RAB38: variants seen among roughly 807,000 people sequenced by gnomAD.
RAB38 encodes ras-related protein Rab-38.
RAB38 carries 15 observed loss-of-function variants against 18.4 expected under a neutral mutation model. The ratio of observed to expected loss-of-function variants is 0.82; its 90% CI spans 0.55 to 1.26. The LOEUF (loss-of-function observed/expected upper bound fraction) is 1.26. Ranked by LOEUF, RAB38 falls within the 50% of genes most tolerant of loss-of-function variation. The pLI, the probability that RAB38 is intolerant of heterozygous loss-of-function variation, is 0.00. For missense variants in RAB38, 294 were observed against 267.4 expected, an observed-to-expected ratio of 1.10 and a Z score of -0.69; for synonymous variants, 101 against 104.4, an observed-to-expected ratio of 0.97 and a Z score of 0.20.
chr11:88,011,137 C>T, the RAB38 span, among the ~76,000 whole-genome samples: 36 of 152,282 alleles, frequency 2.4e-4, no homozygotes, highest in East Asian at 2.3e-3. Context: ...TCTGTTTCTC[C>T]GCATATATTT....
At chr11:87,878,222 T>TATATACACACACAC in the RAB38 span, among the ~76,000 whole-genome samples, 269 of 116,206 alleles carry the variant, frequency 2.3e-3, 35 homozygotes, top group African/African-American at 0.012. Context: ...TATATATATA[T>TATATACACACACAC]ACACACATAT....
chr11:87,892,609 TC>T, the RAB38 span, among the ~76,000 whole-genome samples: 3 of 151,784 alleles, frequency 2.0e-5, no homozygotes, highest in African/African-American at 7.2e-5. Context: ...CTACTTCAGC[TC>T]CTACTACTGT....
chr11:87,820,039 T>G, the RAB38 span, among the ~76,000 whole-genome samples: 1 of 152,110 alleles, frequency 6.6e-6, no homozygotes, highest in East Asian at 1.9e-4. Flanking sequence ...GGATAAGATA[T>G]TAAAAATAAG....
At chr11:88,137,280 T>A (rs1226166100) in intron 2 of RAB38, among the ~76,000 whole-genome samples, 1 of 152,014 alleles carries the variant, frequency 6.6e-6, no homozygotes, top group African/African-American at 2.4e-5. Flanking sequence ...ACCATCAACA[T>A]AAAATAGAAG....
intron 2 of RAB38, among the ~76,000 whole-genome samples, chr11:88,116,268 G>A (rs142872717): frequency 8.5e-5 from 13 of 152,250 alleles, no homozygotes; most frequent in Non-Finnish European, 1.6e-4. Flanking sequence ...CATTCAGGAA[G>A]GTAAAAAGGG....
chr11:87,970,481 T>C, the RAB38 span, among the ~76,000 whole-genome samples: 1 of 152,078 alleles, frequency 6.6e-6, no homozygotes, highest in Admixed American at 6.6e-5. Context: ...TGTTCTCTCT[T>C]ACGTTTTGTG....
chr11:88,102,695 T>C, the RAB38 span, among the ~76,000 whole-genome samples: 4 of 152,058 alleles, frequency 2.6e-5, no homozygotes, highest in African/African-American at 9.7e-5. Flanking sequence ...TATTAAGTAA[T>C]AATGCTAGGA....
chr11:88,008,242 A>G, the RAB38 span, among the ~76,000 whole-genome samples: 1 of 152,310 alleles, frequency 6.6e-6, no homozygotes, highest in Admixed American at 6.5e-5. Flanking sequence ...AAAATATTAT[A>G]CCCTTAACCA....
the RAB38 span, among the ~76,000 whole-genome samples, chr11:87,848,120 C>A: frequency 6.6e-6 from 1 of 152,146 alleles, no homozygotes; most frequent in African/African-American, 2.4e-5. Context: ...TCTAACTTTG[C>A]TCCATTACCT....
the RAB38 span, among the ~76,000 whole-genome samples, chr11:87,905,932 C>A: frequency 5.3e-5 from 8 of 151,908 alleles, no homozygotes; most frequent in African/African-American, 1.9e-4. Flanking sequence ...TATGTCCAAA[C>A]TTTGATTTCT....
At position 88,175,411 on chromosome 11, in the gene RAB38, C is replaced by T. The variant is rs1424708333; in HGVS notation, c.-27G>A. 3 of 1,613,086 alleles carry T rather than the reference C, an allele frequency of 1.9e-6. No individual in the cohort carries two copies. Among genetic ancestry groups the T allele is most frequent in the Non-Finnish European group, 2.5e-6 (3 of 1,179,400 alleles). ...CTGGCGGCCGGCCAGACGTGCCGTGCCTGACCAGGGAAGCGCAGCCTGGGC... is the reference window on the plus strand; with the variant it reads ...CTGGCGGCCGGCCAGACGTGCCGTGTCTGACCAGGGAAGCGCAGCCTGGGC... On this transcript the variant is annotated 5_prime_UTR_variant, in exon 1 of 3. Transcript: ENST00000243662.
At chr11:88,157,742 G>A (rs144275601) in intron 1 of RAB38, among the ~76,000 whole-genome samples, 19 of 151,944 alleles carry the variant, frequency 1.3e-4, no homozygotes, top group African/African-American at 4.3e-4. Flanking sequence ...AATGACTTTC[G>A]GATAAACAAT....
the RAB38 span, among the ~76,000 whole-genome samples, chr11:88,043,440 C>T: frequency 6.6e-6 from 1 of 152,112 alleles, no homozygotes; most frequent in Non-Finnish European, 1.5e-5. Flanking sequence ...GCTAAGCCAT[C>T]CCCTGTGACC....
the RAB38 span, among the ~76,000 whole-genome samples, chr11:87,831,420 C>T: frequency 6.6e-6 from 1 of 152,154 alleles, no homozygotes; most frequent in Non-Finnish European, 1.5e-5. Context: ...TGGATCAGGG[C>T]CTCAGTGCTG....
At chr11:87,804,056 C>A in the RAB38 span, among the ~76,000 whole-genome samples, 1 of 152,166 alleles carries the variant, frequency 6.6e-6, no homozygotes, top group East Asian at 1.9e-4. Context: ...TGACCAAAAC[C>A]GTGATTTTAT....
chr11:87,815,646 A>G, the RAB38 span: 3 of 152,228 alleles, frequency 2.0e-5, no homozygotes, highest in Admixed American at 2.0e-4. Flanking sequence ...TGACTTTATC[A>G]ACTGAGAATC....
chr11:87,871,121 G>A, the RAB38 span, among the ~76,000 whole-genome samples: 1 of 151,542 alleles, frequency 6.6e-6, no homozygotes, highest in Non-Finnish European at 1.5e-5. Flanking sequence ...TTATTTTTAT[G>A]TTTAGTTGAT....
chr11:87,899,265 C>T, the RAB38 span, among the ~76,000 whole-genome samples: 1 of 151,600 alleles, frequency 6.6e-6, no homozygotes, highest in Non-Finnish European at 1.5e-5. Flanking sequence ...AGCTAGTGCT[C>T]AGTTTCTAAT....
chr11:88,051,554 C>T, the RAB38 span, among the ~76,000 whole-genome samples: 1 of 150,446 alleles, frequency 6.6e-6, no homozygotes, highest in Non-Finnish European at 1.5e-5. Context: ...AAAAAGTCAA[C>T]ATTTTGTATG....
Sources: gnomAD v4.1 joint callset for allele counts (sites outside exome capture counted in the v4.1 genomes callset) on GRCh38, gnomAD v4.1.1 for gene constraint, MANE v1.5 for transcripts, NCBI Gene and HGNC (gene_info 2026-07-23, HGNC 2026-07-21) for gene names.